The following CCNDBP1 variants were observed in gnomAD, a reference collection of about 807,000 sequenced individuals.
CCNDBP1 encodes cyclin-D1-binding protein 1.
CCNDBP1 carries 45 observed loss-of-function variants against 46.2 expected under a neutral mutation model. That is an observed-to-expected ratio of 0.97 (90% confidence interval 0.77 to 1.25). The LOEUF (loss-of-function observed/expected upper bound fraction) is 1.25. CCNDBP1 is among the 50% of genes most tolerant of loss of function. The pLI, the probability that CCNDBP1 is intolerant of heterozygous loss-of-function variation, is 0.00. For missense variants in CCNDBP1, 436 were observed against 442.1 expected (o/e 0.99, Z 0.12); for synonymous variants, 154 against 163.6 (o/e 0.94, Z 0.45).
At chr15:43,190,489 T>A in intron 6 of CCNDBP1, 91 bp downstream of exon 6, 2 of 886,044 alleles carry the variant, frequency 2.3e-6, no homozygotes, top group Non-Finnish European at 3.6e-6. Flanking sequence ...TATTTGAATT[T>A]ATATAAACAG....
rs1278791600 is a variant in CCNDBP1, at chr15:43,185,879, A to G, written c.169A>G (p.Asn57Asp). The G allele has an allele frequency of 5.6e-6, 9 of 1,609,962 alleles. No homozygotes were observed. Among genetic ancestry groups the G allele is most frequent in the Non-Finnish European group, 7.6e-6 (9 of 1,179,550 alleles). ...FNREMFWRRL[N>D]EAAVTVSREA... ...TCGAGAGATGTTCTGGAGAAGACTC[A>G]GTGAGTGCGCCTCCTTCCGGGCTCC... is the stretch of plus-strand genomic sequence containing the variant. The change falls in exon 2 of 11, where the codon AAT becomes GAT. Residue 57 changes from asparagine (N) to aspartate (D), a missense_variant and splice_region_variant. Asn to Asp is a conservative substitution (Grantham distance 23). Transcript: ENST00000300213.
chr15:43,186,914 T>C (rs1567261123), intron 3 of CCNDBP1, among the ~76,000 whole-genome samples: 1 of 152,216 alleles, frequency 6.6e-6, no homozygotes, highest in Non-Finnish European at 1.5e-5. Context: ...CTGCAAACAG[T>C]GTCGTGATGA....
Position 43,192,820 on chromosome 15 carries a change from A to G in CCNDBP1, c.921+17A>G. 6.2e-7 allele frequency: 1 copy of G among 1,611,214 alleles called. No homozygotes were observed. The highest frequency in any genetic ancestry group is 1.1e-5 in the South Asian group (1 of 91,024). On this transcript the variant is annotated intron_variant, in intron 9 of 10. Transcript: ENST00000300213. ...CGAATCAATGTAAGTACTGGCTTTG[A>G]GGGAATAGCTACAGAACAAATGGGC...
chr15:43,185,952 C>T, intron 2 of CCNDBP1, 73 bp downstream of exon 2: 3 of 1,460,056 alleles, frequency 2.1e-6, no homozygotes, highest in Non-Finnish European at 2.8e-6. Context: ...CTCCCGCTGT[C>T]CCCCACGGAG....
intron 1 of CCNDBP1, 91 bp downstream of exon 1, chr15:43,185,698 G>A: frequency 7.0e-7 from 1 of 1,419,222 alleles, no homozygotes; most frequent in Non-Finnish European, 9.4e-7. Context: ...GCCGGGCTCG[G>A]GGTCGCGGAG....
At chr15:43,189,148 C>T in intron 3 of CCNDBP1, 51 bp from the exon 4 acceptor site, 1 of 833,474 alleles carries the variant, frequency 1.2e-6, no homozygotes, top group Non-Finnish European at 2.0e-6. Flanking sequence ...CTGCTCTATT[C>T]CACAGCAGAA....
chr15:43,189,164 G>A (rs2041907460), intron 3 of CCNDBP1, 35 bp from the exon 4 acceptor site: 1 of 1,159,398 alleles, frequency 8.6e-7, no homozygotes, highest in Non-Finnish European at 1.3e-6. Flanking sequence ...CAGAAGGGTT[G>A]ACCACTTTGA....
chr15:43,187,999 TTTGTTG>T (rs774754135), intron 3 of CCNDBP1, among the ~76,000 whole-genome samples: 5 of 152,226 alleles, frequency 3.3e-5, no homozygotes, highest in Admixed American at 2.0e-4. Context: ...TTGGTTTTTT[TTTGTTG>T]TTGTTGTTGT....
At position 43,190,058 on chromosome 15, in the gene CCNDBP1, T is replaced by G. The variant is rs534961984; in HGVS notation, c.335T>G (p.Ile112Ser). 4.1e-5 allele frequency: 66 copies of G among 1,613,934 alleles called. No homozygotes were observed. The South Asian group carries it at 6.7e-4, about 16-fold the overall frequency. ...VYYLLPKDQGITLRKLVRGAT... is the reference protein window; with the variant it reads ...VYYLLPKDQGSTLRKLVRGAT... ...TATTCTTTGGGTTTGGCCACAGGGA[T>G]CACCCTGAGAAAGCTGGTACGGGGC... Residue 112 changes from isoleucine to serine, a missense_variant, in exon 5 of 11, where the codon ATC becomes AGC. Ile to Ser is a moderately radical substitution (Grantham distance 142). Coordinates refer to ENST00000300213, the MANE Select transcript of CCNDBP1 (RefSeq NM_012142.5).
chr15:43,192,266 T>TATGA (rs2041966016), intron 8 of CCNDBP1, among the ~76,000 whole-genome samples: 1 of 152,224 alleles, frequency 6.6e-6, no homozygotes, highest in Non-Finnish European at 1.5e-5. Flanking sequence ...TTGTTAGTTC[T>TATGA]CATTTTTGCA....
chr15:43,189,290 A>G lies in CCNDBP1; in HGVS notation c.331+10A>G, dbSNP rs377745084. The stretch of plus-strand genomic sequence containing the variant: ...CTTCCAAAGGATCAGGGTAAGCCAC[A>G]TAAGTGTTGCATTTATCGTGTAGAT... On this transcript the variant is annotated intron_variant, in intron 4 of 10. Transcript: ENST00000300213. 1.6e-5 allele frequency: 24 copies of G among 1,538,214 alleles called. No individual in the cohort carries two copies. Among genetic ancestry groups the G allele is most frequent in the Admixed American group, 3.6e-5 (2 of 56,010 alleles).
At position 43,196,175 on chromosome 15, in the gene CCNDBP1, T is replaced by TA. The variant is rs2042035121; in HGVS notation, c.*1335dup. The TA allele has an allele frequency of 6.6e-6, 1 of 152,166 alleles. No homozygotes were observed. Among genetic ancestry groups the TA allele is most frequent in the South Asian group, 2.1e-4 (1 of 4,828 alleles). 9.4% of individuals were successfully genotyped at this position (152,166 alleles called of 1,614,324 possible). On this transcript the variant is annotated 3_prime_UTR_variant, in exon 11 of 11. Coordinates refer to ENST00000300213, the MANE Select transcript of CCNDBP1 (RefSeq NM_012142.5). ...AATATAGAACTCTAATATAAAGACT[T>TA]ACCTCTAGCTGAATTATTCTCTCAG...
At chr15:43,187,334 G>A (rs2041869847) in intron 3 of CCNDBP1, among the ~76,000 whole-genome samples, 1 of 150,992 alleles carries the variant, frequency 6.6e-6, no homozygotes, top group South Asian at 2.1e-4. Context: ...CAGTGGCACA[G>A]TCTGGGCTCA....
At chr15:43,186,282 G>A (rs372865433) in intron 3 of CCNDBP1, 49 bp downstream of exon 3, 134 of 1,448,224 alleles carry the variant, frequency 9.3e-5, no homozygotes, top group Non-Finnish European at 1.2e-4. Flanking sequence ...TACACCTTAG[G>A]AATCCTCTAA....
At chr15:43,185,695 TCGGG>T in intron 1 of CCNDBP1, 88 bp downstream of exon 1, 2 of 1,142,078 alleles carry the variant, frequency 1.8e-6, no homozygotes, top group Non-Finnish European at 2.4e-6. Flanking sequence ...GAGGCCGGGC[TCGGG>T]GTCGCGGAGA....
Position 43,185,601 on chromosome 15 carries a change from G to A in CCNDBP1, c.103G>A (p.Val35Met). The A allele has an allele frequency of 6.4e-7, 1 of 1,562,844 alleles. No homozygotes were observed. The change falls in exon 1 of 11, where the codon GTG (valine) becomes ATG (methionine). Residue 35 changes from valine to methionine, a missense_variant. Coordinates refer to ENST00000300213, the MANE Select transcript of CCNDBP1 (RefSeq NM_012142.5). ...GGAGCTGCGGTTGCTCCTGCCTCGA[G>A]TGCGGGGTGAGCTGACGGAGTTAGA... The part of the protein sequence containing the change: ...AEELRLLLPR[V>M]RVGEAQETTE...
Position 43,194,384 on chromosome 15 carries a change from A to G in CCNDBP1, c.922-31A>G, listed in dbSNP as rs2042011411. The G allele has an allele frequency of 2.5e-6, 4 of 1,579,990 alleles. No individual in the cohort carries two copies. In the South Asian group the frequency reaches 4.7e-5, roughly 18 times the overall value. On this transcript the variant is annotated intron_variant, in intron 9 of 10. Transcript: ENST00000300213. ...AACTCACCTTTTTATGGTAGGGCTC[A>G]GGGTGAATAACTTCTGTGTTTCTTT...
chr15:43,194,176 A>G, intron 9 of CCNDBP1: 1 of 439,126 alleles, frequency 2.3e-6, no homozygotes, highest in Non-Finnish European at 4.0e-6. Flanking sequence ...TAAATTGAAA[A>G]TATTTTAGAT....
Position 43,191,662 on chromosome 15 carries a change from G to T in CCNDBP1, c.847G>T (p.Glu283Ter). The T allele has an allele frequency of 1.2e-6, 2 of 1,605,426 alleles. No individual in the cohort carries two copies. The highest frequency in any genetic ancestry group is 1.7e-6 in the Non-Finnish European group (2 of 1,179,912). Reference sequence around the variant, plus strand: ...GGATGACATTGTGGATATTTCTGATGAAATCAGCCCTAGGTAAGCGGGATC... The same window carrying T: ...GGATGACATTGTGGATATTTCTGATTAAATCAGCCCTAGGTAAGCGGGATC... Reference protein sequence around the residue: ...QLDDIVDISDEISPSVDDLAL... With the variant: ...QLDDIVDISD The change falls in exon 8 of 11, where the codon GAA (glutamate) becomes TAA (stop). Residue 283 changes from glutamate to a stop codon, truncating the protein, a stop_gained. Transcript: ENST00000300213. LOFTEE classifies it high-confidence loss of function.
Sources: gnomAD v4.1 joint callset for allele counts (sites outside exome capture counted in the v4.1 genomes callset) on GRCh38, gnomAD v4.1.1 for gene constraint, MANE v1.5 for transcripts, NCBI Gene and HGNC (gene_info 2026-07-23, HGNC 2026-07-21) for gene names.